The following ZNF483 variants were observed in gnomAD, a reference collection of about 807,000 sequenced individuals.
The protein encoded by ZNF483 is zinc finger protein HIT-10.
Under a neutral mutation model 28.6 loss-of-function variants are expected in ZNF483, and 9 were observed. That is an observed-to-expected ratio of 0.32 (90% confidence interval 0.19 to 0.55). The LOEUF is 0.55. Among genes scored for constraint, ZNF483 ranks in the 20% least tolerant of loss-of-function variants. The probability of loss-of-function intolerance (pLI) is 0.93; values close to 1 mark genes in which losing one functional copy is unlikely to be tolerated. For synonymous variants in ZNF483, 322 were observed against 306.2 expected, an observed-to-expected ratio of 1.05 and a Z score of -0.54; for missense variants, 675 against 871.7, an observed-to-expected ratio of 0.77 and a Z score of 2.84.
chr9:111,556,268 C>A (rs913195385), downstream of ZNF483, among the ~76,000 whole-genome samples: 1 of 152,268 alleles, frequency 6.6e-6, no homozygotes, highest in Non-Finnish European at 1.5e-5. Context: ...ACCTCTGCCC[C>A]TGTTACTCTG....
intron 5 of ZNF483, among the ~76,000 whole-genome samples, chr9:111,567,428 A>G (rs1160969712): frequency 3.3e-5 from 5 of 152,114 alleles, no homozygotes; most frequent in Admixed American, 6.5e-5. Context: ...CTTGTGATCC[A>G]CCTGCCTTGG....
intron 2 of ZNF483, 199 bp downstream of exon 2, chr9:111,528,006 T>C: frequency 1.4e-6 from 2 of 1,464,338 alleles, no homozygotes; most frequent in Non-Finnish European, 1.8e-6. Context: ...TTTTATCTGT[T>C]AAAAAGGGAT....
At chr9:111,539,511 C>T (rs1022570997) in intron 5 of ZNF483, 4 of 453,256 alleles carry the variant, frequency 8.8e-6, no homozygotes, top group African/African-American at 6.0e-5. Context: ...TGCCTGTAAT[C>T]CCAGCACTTT....
rs1032607516 is a variant in ZNF483, at chr9:111,549,775, A to G, written c.*6605A>G. ...CTTCATTTTTCTGCTTTGAAGCTTCAATCTTCTTCATTTTCTCTTTTGATC... is the reference window on the plus strand; with the variant it reads ...CTTCATTTTTCTGCTTTGAAGCTTCGATCTTCTTCATTTTCTCTTTTGATC... On this transcript the variant is annotated 3_prime_UTR_variant, in exon 6 of 6. Coordinates refer to ENST00000309235, the MANE Select transcript of ZNF483 (RefSeq NM_133464.5). 2 of 1,548,506 alleles carry G rather than the reference A, an allele frequency of 1.3e-6. No individual in the cohort carries two copies. The highest frequency in any genetic ancestry group is 1.2e-5 in the South Asian group (1 of 83,942).
chr9:111,529,999 C>G (rs1387529240), intron 2 of ZNF483, among the ~76,000 whole-genome samples: 2 of 152,132 alleles, frequency 1.3e-5, no homozygotes, highest in South Asian at 2.1e-4. Flanking sequence ...TTTAACCACA[C>G]TTGAGTTTAT....
chr9:111,570,267 C>T, intron 5 of ZNF483: 1 of 1,569,386 alleles, frequency 6.4e-7, no homozygotes, highest in Non-Finnish European at 8.6e-7. Context: ...CATGGTGAAA[C>T]AAGCAGTACA....
intron 3 of ZNF483, among the ~76,000 whole-genome samples, chr9:111,532,993 G>C (rs1028611390): frequency 1.8e-4 from 28 of 152,190 alleles, no homozygotes; most frequent in African/African-American, 6.8e-4. Flanking sequence ...GCAAGTGTCA[G>C]TATGTTGTTG....
Position 111,540,729 on chromosome 9 carries a change from G to A in ZNF483, c.722-928G>A, listed in dbSNP as rs566983353. ...GCTGCATATCTGTGATGTATTTAAC[G>A]TTTTCAACAAAATTAGTGTTATTTG... On this transcript the variant is annotated intron_variant, in intron 5 of 5. Coordinates refer to ENST00000309235, the MANE Select transcript of ZNF483 (RefSeq NM_133464.5). Among the ~76,000 whole-genome samples, 13 of 152,272 alleles carry A rather than the reference G, an allele frequency of 8.5e-5. No homozygotes were observed. The South Asian group carries it at 1.7e-3, about 19-fold the overall frequency.
chr9:111,574,701 T>G, intron 5 of ZNF483: 33 of 1,498,224 alleles, frequency 2.2e-5, no homozygotes, highest in Non-Finnish European at 3.0e-5. Context: ...TCCAGCCTTG[T>G]GACATATGGG....
intron 2 of ZNF483, among the ~76,000 whole-genome samples, chr9:111,530,651 G>T (rs1827303527): frequency 6.6e-6 from 1 of 150,672 alleles, no homozygotes; most frequent in East Asian, 2.0e-4. Context: ...ACTGCCTGCT[G>T]GGTGTGGGGG....
In ZNF483 at chr9:111,542,889, C is replaced by T. The variant is rs765464612; in HGVS notation, c.1954C>T (p.Arg652Cys). ...CTTCCCAACCCATTCACTGCTAAGT[C>T]GTCATCAGAGAATTCATACTGGTGT... ...KAFPTHSLLS[R>C]HQRIHTGVKP... The change falls in exon 6 of 6, where the codon CGT becomes TGT. Residue 652 changes from arginine (R) to cysteine (C), a missense_variant. Coordinates refer to ENST00000309235, the MANE Select transcript of ZNF483 (RefSeq NM_133464.5). The surrounding 1 kb of genome is among the most constrained non-coding windows in gnomAD (Gnocchi z 6.2). 1.9e-6 allele frequency: 3 copies of T among 1,614,002 alleles called. No homozygotes were observed. The highest frequency in any genetic ancestry group is 2.5e-6 in the Non-Finnish European group (3 of 1,179,986).
chr9:111,574,733 C>G, intron 5 of ZNF483: 1 of 1,609,046 alleles, frequency 6.2e-7, no homozygotes, highest in South Asian at 1.1e-5. Flanking sequence ...GTGCTCATTA[C>G]CTGGGGGAAG....
chr9:111,545,195 G>A lies in ZNF483; in HGVS notation c.*2025G>A, dbSNP rs1050656238. On this transcript the variant is annotated 3_prime_UTR_variant, in exon 6 of 6. Coordinates refer to ENST00000309235, the MANE Select transcript of ZNF483 (RefSeq NM_133464.5). ...GCCATGAAAGGAATGTTTATTATGA[G>A]AATCATTCATAATGGTTTTAAGTTT... is the stretch of plus-strand genomic sequence containing the variant. Among the ~76,000 whole-genome samples, 1 of 152,136 alleles carries A rather than the reference G, an allele frequency of 6.6e-6. No homozygotes were observed. The highest frequency in any genetic ancestry group is 1.5e-5 in the Non-Finnish European group (1 of 68,022).
At chr9:111,534,444 C>G in intron 5 of ZNF483, 91 bp downstream of exon 5, 2 of 1,066,144 alleles carry the variant, frequency 1.9e-6, no homozygotes, top group South Asian at 2.7e-5. Flanking sequence ...TGCCTAGATA[C>G]TAAAATACAA....
chr9:111,539,435 C>G (rs1308230205), intron 5 of ZNF483: 1 of 455,812 alleles, frequency 2.2e-6, no homozygotes, highest in Non-Finnish European at 4.4e-6. Flanking sequence ...TTTTATGACT[C>G]TGTTTTTTAG....
downstream of ZNF483, among the ~76,000 whole-genome samples, chr9:111,559,521 C>G (rs925519866): frequency 1.4e-4 from 21 of 151,944 alleles, no homozygotes. Flanking sequence ...TGCTTGGGCT[C>G]CAACTCCCCT....
chr9:111,525,443 C>G (rs1410780158), intron 1 of ZNF483, among the ~76,000 whole-genome samples, 181 bp downstream of exon 1: 1 of 152,176 alleles, frequency 6.6e-6, no homozygotes, highest in Non-Finnish European at 1.5e-5. Context: ...TCCCTCCATC[C>G]CTCCCTGCGC....
intron 5 of ZNF483, chr9:111,539,761 C>CA (rs201992061): frequency 0.053 from 5,575 of 105,686 alleles, 230 homozygotes; most frequent in African/African-American, 0.15. Flanking sequence ...AACTCCGTCT[C>CA]AAAAAAAAAA....
At chr9:111,561,794 T>C (rs185815379) in intron 5 of ZNF483, among the ~76,000 whole-genome samples, 1 of 151,936 alleles carries the variant, frequency 6.6e-6, no homozygotes, top group East Asian at 1.9e-4. Flanking sequence ...GGTGGTAATC[T>C]TAAGACTTCA....
Sources: gnomAD v4.1 joint callset for allele counts (sites outside exome capture counted in the v4.1 genomes callset) on GRCh38, gnomAD v4.1.1 for gene constraint, Gnocchi (gnomAD v3.1) non-coding constraint, MANE v1.5 for transcripts, NCBI Gene and HGNC (gene_info 2026-07-23, HGNC 2026-07-21) for gene names.